Variants in RSBN1 observed in about 807,000 individuals in gnomAD.
RSBN1 encodes round spermatid basic protein 1.
In RSBN1, 23 loss-of-function variants were observed where a neutral mutation model predicts 74.8. That is an observed-to-expected ratio of 0.31 (90% CI 0.22 to 0.44). RSBN1 has a LOEUF of 0.44. Among genes scored for constraint, RSBN1 ranks in the 20% least tolerant of loss-of-function variants. RSBN1 has a pLI of 1.00. For missense variants in RSBN1, 808 were observed against 1,020.9 expected, an observed-to-expected ratio of 0.79 and a Z score of 2.84; for synonymous variants, 407 against 379.6, an observed-to-expected ratio of 1.07 and a Z score of -0.84.
At chr1:113,775,605 G>T (rs985592605) in intron 4 of RSBN1, among the ~76,000 whole-genome samples, 12 of 152,030 alleles carry the variant, frequency 7.9e-5, no homozygotes, top group African/African-American at 2.9e-4. Flanking sequence ...CCAAAGTTCT[G>T]GGATTACAGG....
Position 113,811,805 on chromosome 1 carries a change from T to A in RSBN1, c.608A>T (p.Asp203Val). The change falls in exon 1 of 7, where the codon GAT becomes GTT. Residue 203 changes from aspartate to valine, a missense_variant. This residue lies in a region of RSBN1 where 464 missense variants were observed against 401.0 expected (regional missense o/e 1.16). Transcript: ENST00000261441. Reference protein sequence around the residue: ...KHHHHRGPDGDPSSCGTDLKH... With the variant: ...KHHHHRGPDGVPSSCGTDLKH... ...GAGATCGGTTCCGCAGGAGCTGGGA[T>A]CACCATCGGGGCCGCGGTGGTGATG... The A allele has an allele frequency of 2.5e-6, 4 of 1,613,808 alleles. No homozygotes were observed. Among genetic ancestry groups the A allele is most frequent in the East Asian group, 4.5e-5 (2 of 44,826 alleles).
rs1659701220 is a variant in RSBN1, at chr1:113,762,697, T to G, written c.*3283A>C. ...CGTTTTCATGGATTTGGGAGTCTTG[T>G]TCCTATATTAGCTTTCATTCTAGAC... On this transcript the variant is annotated 3_prime_UTR_variant, in exon 7 of 7. Coordinates refer to ENST00000261441, the MANE Select transcript of RSBN1 (RefSeq NM_018364.5). 1 of 152,786 alleles carries G rather than the reference T, an allele frequency of 6.5e-6. No homozygotes were observed. The highest frequency in any genetic ancestry group is 1.5e-5 in the Non-Finnish European group (1 of 68,018). The allele number at this position is 152,786 out of a possible 1,614,324, so 9.5% of individuals were successfully genotyped here. A position where few individuals can be genotyped will look rare whatever the true frequency, so the allele number is the denominator to read the frequency against.
chr1:113,774,204 T>A (rs1162446818), intron 4 of RSBN1, among the ~76,000 whole-genome samples: 1 of 152,094 alleles, frequency 6.6e-6, no homozygotes, highest in African/African-American at 2.4e-5. Context: ...GTTACTAACG[T>A]GACATCACGC....
At chr1:113,808,100 T>C (rs1383070903) in intron 1 of RSBN1, among the ~76,000 whole-genome samples, 3 of 152,106 alleles carry the variant, frequency 2.0e-5, no homozygotes, top group Non-Finnish European at 4.4e-5. Flanking sequence ...AGAAAATACT[T>C]TGGCAGTATC....
At position 113,806,838 on chromosome 1, in the gene RSBN1, C is replaced by CAAA. The variant is rs140139729; in HGVS notation, c.703+4869_703+4871dup. Among the ~76,000 whole-genome samples, 619 of 78,886 alleles carry CAAA rather than the reference C, an allele frequency of 7.8e-3. 12 individuals carry two copies. Among genetic ancestry groups the CAAA allele is most frequent in the African/African-American group, 0.028 (556 of 19,628 alleles). The allele number at this position is 78,886 out of a possible 152,430, so 51.8% of individuals were successfully genotyped here. ...CAACACAGAGAGACCCTGCCTCTAT[C>CAAA]AAAAAAAAAAAAAAAAAAAAAAACA... On this transcript the variant is annotated intron_variant, in intron 1 of 6. Transcript: ENST00000261441.
At chr1:113,782,137 C>T (rs940905720) in intron 2 of RSBN1, among the ~76,000 whole-genome samples, 9 of 152,162 alleles carry the variant, frequency 5.9e-5, no homozygotes, top group East Asian at 1.9e-4. Context: ...ATATACATTT[C>T]GCAAATTCTA....
At chr1:113,801,536 G>A (rs1445827052) in intron 1 of RSBN1, among the ~76,000 whole-genome samples, 3 of 152,142 alleles carry the variant, frequency 2.0e-5, no homozygotes, top group Non-Finnish European at 2.9e-5. Context: ...AATTTAAAAC[G>A]TTATTTGAAA....
chr1:113,806,725 G>T (rs1298892852), intron 1 of RSBN1, among the ~76,000 whole-genome samples: 2 of 151,222 alleles, frequency 1.3e-5, no homozygotes, highest in African/African-American at 4.9e-5. Context: ...AAAGGACCAG[G>T]CACAGTGGCT....
At chr1:113,786,513 G>A (rs570102476) in intron 2 of RSBN1, among the ~76,000 whole-genome samples, 3 of 152,332 alleles carry the variant, frequency 2.0e-5, no homozygotes, top group East Asian at 1.9e-4. Flanking sequence ...TTGAGAAGGC[G>A]ATGTGATGAT....
intron 2 of RSBN1, among the ~76,000 whole-genome samples, chr1:113,778,303 T>C (rs980372769): frequency 4.1e-5 from 6 of 145,874 alleles, no homozygotes; most frequent in South Asian, 2.2e-4. Flanking sequence ...TTTTTTTTTT[T>C]TCCTTTTTTT....
intron 2 of RSBN1, among the ~76,000 whole-genome samples, chr1:113,792,424 G>T (rs1558001020): frequency 6.6e-6 from 1 of 152,286 alleles, no homozygotes; most frequent in East Asian, 1.9e-4. Context: ...CAGACTATAA[G>T]CAAAGCTAGT....
intron 2 of RSBN1, among the ~76,000 whole-genome samples, chr1:113,781,617 G>A (rs1660142028): frequency 6.6e-6 from 1 of 152,084 alleles, no homozygotes; most frequent in South Asian, 2.1e-4. Flanking sequence ...AATGCCTCCT[G>A]GGCAGCCCAC....
In RSBN1 at chr1:113,762,143, A is replaced by G. The variant is rs1051383219; in HGVS notation, c.*3837T>C. 1 of 152,796 alleles carries G rather than the reference A, an allele frequency of 6.5e-6. No homozygotes were observed. The highest frequency in any genetic ancestry group is 2.4e-5 in the African/African-American group (1 of 41,456). 9.5% of individuals were successfully genotyped at this position (152,796 alleles called of 1,614,324 possible). ...TAGATAAATAAAAGCCACAGGAAAA[A>G]AAGTCTTAGCTGCCAATCAAAATGG... On this transcript the variant is annotated 3_prime_UTR_variant, in exon 7 of 7. Transcript: ENST00000261441.
intron 2 of RSBN1, among the ~76,000 whole-genome samples, chr1:113,783,500 T>C (rs954219149): frequency 2.0e-5 from 3 of 151,374 alleles, no homozygotes; most frequent in Non-Finnish European, 4.4e-5. Context: ...CAAAAAAACA[T>C]TCACCAACTG....
At chr1:113,770,394 A>T (rs915213119) in intron 4 of RSBN1, among the ~76,000 whole-genome samples, 13 of 152,208 alleles carry the variant, frequency 8.5e-5, no homozygotes, top group Non-Finnish European at 1.8e-4. Context: ...CACTGACCAT[A>T]TGGTGCCTAG....
intron 4 of RSBN1, among the ~76,000 whole-genome samples, chr1:113,776,174 G>C (rs927800312): frequency 7.9e-5 from 12 of 152,222 alleles, no homozygotes; most frequent in Admixed American, 4.6e-4. Context: ...GAACATTATT[G>C]GTTTCATGTA....
chr1:113,808,892 T>C (rs1008406628), intron 1 of RSBN1, among the ~76,000 whole-genome samples: 5 of 152,214 alleles, frequency 3.3e-5, no homozygotes, highest in Non-Finnish European at 4.4e-5. Flanking sequence ...AATCTACATA[T>C]GATAAAATAG....
chr1:113,780,786 C>A (rs1375393258), intron 2 of RSBN1, among the ~76,000 whole-genome samples: 1 of 152,192 alleles, frequency 6.6e-6, no homozygotes, highest in Non-Finnish European at 1.5e-5. Flanking sequence ...AACTATGCTA[C>A]AAAATACTAG....
rs1469656200 is a variant in RSBN1, at chr1:113,765,431, G to T, written c.*549C>A. The T allele has an allele frequency of 6.5e-6, 1 of 152,702 alleles. No homozygotes were observed. Among genetic ancestry groups the T allele is most frequent in the East Asian group, 1.9e-4 (1 of 5,338 alleles). The allele number at this position is 152,702 out of a possible 1,614,324, so 9.5% of individuals were successfully genotyped here. On this transcript the variant is annotated 3_prime_UTR_variant, in exon 7 of 7. Coordinates refer to ENST00000261441, the MANE Select transcript of RSBN1 (RefSeq NM_018364.5). The stretch of plus-strand genomic sequence containing the variant: ...TGCTTTCTCTTTTGTTAAGAAACCA[G>T]AGAGCCACTGAAATTTCCTTGGAAA...
Sources: allele counts gnomAD v4.1 joint callset (sites outside exome capture counted in the v4.1 genomes callset), GRCh38; gene constraint gnomAD v4.1.1; regional missense constraint gnomAD v4.1.1; transcripts MANE v1.5; gene names NCBI Gene and HGNC (gene_info 2026-07-23, HGNC 2026-07-21).